The following ZNF385B variants were observed in gnomAD, a reference collection of about 807,000 sequenced individuals.
The protein encoded by ZNF385B is zinc finger protein 385B, also known as zinc finger protein 533.
A neutral mutation model predicts 39.2 loss-of-function variants in ZNF385B; 23 were observed. The observed-to-expected ratio is 0.59, with a 90% CI of 0.42 to 0.83. The LOEUF is 0.83. ZNF385B is among the 40% of genes least tolerant of loss of function. ZNF385B has a pLI of 0.00. For synonymous variants in ZNF385B, 205 were observed against 222.6 expected, an observed-to-expected ratio of 0.92 and a Z score of 0.70; for missense variants, 552 against 598.9, an observed-to-expected ratio of 0.92 and a Z score of 0.82.
Position 179,769,654 on chromosome 2 carries a change from G to A in ZNF385B, c.147C>T (p.Ser49=), listed in dbSNP as rs1194194873. 3 of 1,614,138 alleles carry A rather than the reference G, an allele frequency of 1.9e-6. No homozygotes were observed. Among genetic ancestry groups the A allele is most frequent in the Non-Finnish European group, 2.5e-6 (3 of 1,180,024 alleles). The change falls in exon 3 of 10, where the codon TCC becomes TCT. Residue 49 remains serine (S), a synonymous_variant. Transcript: ENST00000410066. ...GCTGGATGTTGCACACCTCACAGAA[G>A]GAGAAAAGAATTTTCTTTTTCTCTT... is the stretch of plus-strand genomic sequence containing the variant. ...LSKEKKKILF[S]FCEVCNIQLN...
chr2:179,625,498 C>T (rs1690578158), intron 3 of ZNF385B, among the ~76,000 whole-genome samples: 1 of 151,882 alleles, frequency 6.6e-6, no homozygotes, highest in Non-Finnish European at 1.5e-5. Context: ...TAAGCGGCTA[C>T]AATCCTTTTA....
chr2:179,728,796 T>G (rs987637749), intron 3 of ZNF385B, among the ~76,000 whole-genome samples: 1 of 152,088 alleles, frequency 6.6e-6, no homozygotes. Context: ...GGGAAAATAT[T>G]CCTCAGAAAA....
chr2:179,598,641 C>T (rs56136499), intron 3 of ZNF385B, among the ~76,000 whole-genome samples: 27,676 of 151,846 alleles, frequency 0.18, 2,630 homozygotes, highest in Non-Finnish European at 0.21. Flanking sequence ...AAAATATGCA[C>T]GATACACCAA....
intron 3 of ZNF385B, among the ~76,000 whole-genome samples, chr2:179,582,190 G>T (rs991004562): frequency 1.4e-4 from 21 of 152,132 alleles, no homozygotes; most frequent in African/African-American, 4.8e-4. Flanking sequence ...AGAGAGAAAA[G>T]ACTAATTTAT....
intron 6 of ZNF385B, among the ~76,000 whole-genome samples, chr2:179,475,860 T>C (rs2053386785): frequency 1.3e-5 from 2 of 149,670 alleles, no homozygotes; most frequent in Admixed American, 1.3e-4. Context: ...CTACTAAAAA[T>C]ACAAAAACTA....
At chr2:179,628,323 A>T (rs1168470313) in intron 3 of ZNF385B, among the ~76,000 whole-genome samples, 1 of 152,106 alleles carries the variant, frequency 6.6e-6, no homozygotes, top group East Asian at 1.9e-4. Context: ...ATTTATTTTA[A>T]TCTGTTAATT....
intron 3 of ZNF385B, among the ~76,000 whole-genome samples, chr2:179,581,886 T>G (rs1490566230): frequency 1.3e-5 from 2 of 152,044 alleles, no homozygotes; most frequent in Non-Finnish European, 2.9e-5. Context: ...CAACATGGAG[T>G]AGACTGGGCT....
At chr2:179,635,078 C>T in intron 3 of ZNF385B, among the ~76,000 whole-genome samples, 1 of 150,842 alleles carries the variant, frequency 6.6e-6, no homozygotes, top group Non-Finnish European at 1.5e-5. Flanking sequence ...GGAGGTGGAG[C>T]TTGCAGTGAG....
intron 3 of ZNF385B, among the ~76,000 whole-genome samples, chr2:179,594,358 C>T (rs1177451793): frequency 6.6e-6 from 1 of 152,122 alleles, no homozygotes; most frequent in African/African-American, 2.4e-5. Context: ...TGGTCCAGTG[C>T]TCTCAAATGG....
chr2:179,635,387 TG>T lies in ZNF385B; in HGVS notation c.299-90419del, dbSNP rs1176699681. Among the ~76,000 whole-genome samples the T allele has an allele frequency of 1.1e-3, 6 of 5,388 alleles. No homozygotes were observed. The East Asian group carries it at 0.031, about 28-fold the overall frequency. The allele number at this position is 5,388 out of a possible 152,430, so 3.5% of individuals were successfully genotyped here. ...CATCACACTGGGGCCTGTTGGGGGG[TG>T]GGGGGGCTGGGGGAGGAATAGCATT... On this transcript the variant is annotated intron_variant, in intron 3 of 9. Coordinates refer to ENST00000410066, the MANE Select transcript of ZNF385B (RefSeq NM_152520.6).
chr2:179,680,625 C>T (rs893303150), intron 3 of ZNF385B, among the ~76,000 whole-genome samples: 3 of 152,160 alleles, frequency 2.0e-5, no homozygotes, highest in Admixed American at 6.5e-5. Flanking sequence ...ATAAACTGTT[C>T]GCAGGTATGT....
At chr2:179,533,602 A>AG (rs1331397774) in intron 4 of ZNF385B, among the ~76,000 whole-genome samples, 5 of 152,054 alleles carry the variant, frequency 3.3e-5, no homozygotes, top group African/African-American at 7.2e-5. Context: ...TCAGGAAAAC[A>AG]GGTGTGTGGG....
At chr2:179,756,888 C>T (rs951898847) in intron 3 of ZNF385B, among the ~76,000 whole-genome samples, 1 of 152,100 alleles carries the variant, frequency 6.6e-6, no homozygotes, top group African/African-American at 2.4e-5. Flanking sequence ...AGGTTTTTAG[C>T]TTCTTTACAA....
chr2:179,557,752 A>G (rs1435007221), intron 3 of ZNF385B, among the ~76,000 whole-genome samples: 1 of 151,780 alleles, frequency 6.6e-6, no homozygotes, highest in Admixed American at 6.6e-5. Flanking sequence ...TTCATAGGGT[A>G]CATGTATAGG....
intron 3 of ZNF385B, among the ~76,000 whole-genome samples, chr2:179,724,994 A>G (rs891491887): frequency 3.6e-4 from 55 of 152,290 alleles, no homozygotes; most frequent in African/African-American, 1.3e-3. Flanking sequence ...GCATCCATAA[A>G]TATTAGTATT....
At chr2:179,783,088 C>T (rs1468565424) in intron 1 of ZNF385B, among the ~76,000 whole-genome samples, 1 of 152,134 alleles carries the variant, frequency 6.6e-6, no homozygotes, top group African/African-American at 2.4e-5. Context: ...AATTATCCTA[C>T]AGGACTACAG....
At chr2:179,515,344 G>A (rs917829054) in intron 5 of ZNF385B, among the ~76,000 whole-genome samples, 1 of 152,104 alleles carries the variant, frequency 6.6e-6, no homozygotes, top group Non-Finnish European at 1.5e-5. Context: ...TCTTTTGCAC[G>A]ATTTTTGCAA....
intron 6 of ZNF385B, among the ~76,000 whole-genome samples, chr2:179,474,835 C>T (rs191788354): frequency 2.0e-5 from 3 of 152,230 alleles, no homozygotes; most frequent in African/African-American, 4.8e-5. Context: ...AAAAAATCTG[C>T]GAGAACATCA....
At chr2:179,809,149 T>C (rs957330252) in intron 1 of ZNF385B, among the ~76,000 whole-genome samples, 31 of 152,240 alleles carry the variant, frequency 2.0e-4, no homozygotes, top group African/African-American at 7.5e-4. Context: ...AGTATCCATG[T>C]ATTAGTTTAC....
Sources: gnomAD v4.1 joint callset for allele counts (sites outside exome capture counted in the v4.1 genomes callset) on GRCh38, gnomAD v4.1.1 for gene constraint, MANE v1.5 for transcripts, NCBI Gene and HGNC (gene_info 2026-07-23, HGNC 2026-07-21) for gene names.